DSE: variants seen among roughly 807,000 people sequenced by gnomAD.
DSE encodes the protein dermatan-sulfate epimerase.
Under a neutral mutation model 84.4 loss-of-function variants are expected in DSE, and 36 were observed. The ratio of observed to expected loss-of-function variants is 0.43; its 90% CI spans 0.33 to 0.56. The LOEUF (loss-of-function observed/expected upper bound fraction) is 0.56. DSE is among the 20% of genes least tolerant of loss of function. The pLI is 0.06. For synonymous variants in DSE, 410 were observed against 430.1 expected (o/e 0.95, Z 0.58); for missense variants, 862 against 1,169.6 (o/e 0.74, Z 3.84).
chr6:116,439,798 A>C lies in DSE; in HGVS notation c.*2453A>C, dbSNP rs1252828437. On this transcript the variant is annotated 3_prime_UTR_variant, in exon 6 of 6. Transcript: ENST00000644252. ...AAGAAAATTTGAGAATCACTAGCAT[A>C]CAGAGCTTGTCAGTGCAGTAAAAGT... 6.6e-6 allele frequency: 1 copy of C among 152,194 alleles called. No individual in the cohort carries two copies. The highest frequency in any genetic ancestry group is 2.4e-5 in the African/African-American group (1 of 41,432). 9.4% of individuals were successfully genotyped at this position (152,194 alleles called of 1,614,324 possible). A position where few individuals can be genotyped will look rare whatever the true frequency, so the allele number is the denominator to read the frequency against.
At chr6:116,430,862 G>A in intron 3 of DSE, 92 bp from the exon 4 acceptor site, 2 of 1,526,588 alleles carry the variant, frequency 1.3e-6, no homozygotes, top group Non-Finnish European at 1.8e-6. Flanking sequence ...ATATAAACTA[G>A]TTAGATAACT....
chr6:116,270,292 C>G lies in DSE; in HGVS notation c.-54+11325C>G, dbSNP rs1772823499. Among the ~76,000 whole-genome samples, 4 of 152,214 alleles carry G rather than the reference C, an allele frequency of 2.6e-5. No homozygotes were observed. The Middle Eastern group carries it at 0.014, about 518-fold the overall frequency. On this transcript the variant is annotated intron_variant, in intron 2 of 3. Transcript: ENST00000430252. ...ACCCAAGAGAAGTTTGGCCATTAAG[C>G]AAAATGGTTAACAACAAGAGCATGT...
rs149331466 is a variant in DSE at position 116,417,995 on chromosome 6, G to A, written c.417-8579G>A. 4.5e-3 allele frequency among the ~76,000 whole-genome samples: 681 copies of A among 152,248 alleles called. 22 individuals carry two copies. The highest frequency in any genetic ancestry group is 0.042 in the South Asian group (203 of 4,800). ...ACAGAGGTGAATAGGCATTTTAAAG[G>A]GAGGAGGGCAAGCAGGGGCTTAGTA... On this transcript the variant is annotated intron_variant, in intron 2 of 5. Coordinates refer to ENST00000644252, the MANE Select transcript of DSE (RefSeq NM_013352.4).
chr6:116,376,384 C>A (rs1170815813), intron 1 of DSE, among the ~76,000 whole-genome samples: 1 of 152,200 alleles, frequency 6.6e-6, no homozygotes, highest in Non-Finnish European at 1.5e-5. Flanking sequence ...GATTCCAGAT[C>A]CTCTTTCAGA....
chr6:116,318,496 C>A (rs1329695066), intron 2 of DSE, among the ~76,000 whole-genome samples: 1 of 118,682 alleles, frequency 8.4e-6, no homozygotes, highest in Admixed American at 9.9e-5. Context: ...AGTGAGATTC[C>A]ATCTCAAAAG....
At chr6:116,256,953 G>A (rs1187006965) in intron 1 of DSE, among the ~76,000 whole-genome samples, 1 of 152,068 alleles carries the variant, frequency 6.6e-6, no homozygotes, top group East Asian at 1.9e-4. Flanking sequence ...GATAGAAAAT[G>A]CCATGAAAAT....
chr6:116,295,280 G>A (rs755818028), intron 2 of DSE, among the ~76,000 whole-genome samples: 6 of 152,040 alleles, frequency 3.9e-5, no homozygotes, highest in Admixed American at 6.6e-5. Flanking sequence ...GGGAGAGAGC[G>A]GGAGAGTGGA....
At chr6:116,294,239 T>A (rs1216463403) in intron 2 of DSE, among the ~76,000 whole-genome samples, 1 of 151,858 alleles carries the variant, frequency 6.6e-6, no homozygotes, top group Non-Finnish European at 1.5e-5. Flanking sequence ...CCCAGGCTGG[T>A]CTTGAACTCC....
chr6:116,373,728 C>T (rs1418758209), intron 1 of DSE, among the ~76,000 whole-genome samples: 1 of 152,126 alleles, frequency 6.6e-6, no homozygotes, highest in Non-Finnish European at 1.5e-5. Context: ...CTTCCCAGTG[C>T]CTCGTTATAG....
At position 116,351,861 on chromosome 6, in the gene DSE, G is replaced by A. The variant is rs75501660; in HGVS notation, c.-53-47337G>A. ...AAAGCTCCCTGGTGAACTATGAATAGTGACAAAGGCCTTAAGGAATATTTA... is the reference window on the plus strand; with the variant it reads ...AAAGCTCCCTGGTGAACTATGAATAATGACAAAGGCCTTAAGGAATATTTA... On this transcript the variant is annotated intron_variant, in intron 2 of 3. Coordinates refer to the DSE transcript ENST00000430252. 6.8e-3 allele frequency among the ~76,000 whole-genome samples: 1,040 copies of A among 152,296 alleles called. 4 individuals carry two copies. The highest frequency in any genetic ancestry group is 0.011 in the Non-Finnish European group (777 of 68,022).
intron 1 of DSE, among the ~76,000 whole-genome samples, chr6:116,254,541 GTGT>G (rs957265483): frequency 2.0e-5 from 3 of 152,112 alleles, no homozygotes; most frequent in Non-Finnish European, 2.9e-5. Flanking sequence ...AAGTGTTGCT[GTGT>G]TGTTATTTTT....
intron 1 of DSE, among the ~76,000 whole-genome samples, chr6:116,376,915 CAGAA>C (rs1779961702): frequency 6.6e-6 from 1 of 152,278 alleles, no homozygotes; most frequent in South Asian, 2.1e-4. Flanking sequence ...AAGACAGAGT[CAGAA>C]AGAGTTTGCA....
At chr6:116,259,141 T>C in intron 2 of DSE, 1 of 1,188,594 alleles carries the variant, frequency 8.4e-7, no homozygotes, top group Non-Finnish European at 1.2e-6. Context: ...TGAGTGTCTC[T>C]GTTGCTCGAC....
At chr6:116,423,635 T>G (rs1783240736) in intron 2 of DSE, among the ~76,000 whole-genome samples, 1 of 152,244 alleles carries the variant, frequency 6.6e-6, no homozygotes, top group South Asian at 2.1e-4. Flanking sequence ...CACAGTGAAC[T>G]GATTTATTAC....
Position 116,266,445 on chromosome 6 carries a change from A to G in DSE, c.-54+7478A>G, listed in dbSNP as rs541796627. Among the ~76,000 whole-genome samples, 39 of 152,324 alleles carry G rather than the reference A, an allele frequency of 2.6e-4. No homozygotes were observed. The East Asian group carries it at 3.5e-3, about 14-fold the overall frequency. ...AGAATGAGTACTGGAGGCTTAGGGG[A>G]AAAAATCTCAGAAGCATACTGTTAT... On this transcript the variant is annotated intron_variant, in intron 2 of 3. Transcript: ENST00000430252.
chr6:116,289,823 G>A (rs886715515), intron 2 of DSE, among the ~76,000 whole-genome samples: 7 of 151,938 alleles, frequency 4.6e-5, no homozygotes, highest in Non-Finnish European at 1.0e-4. Context: ...TGAGTTCTTT[G>A]GCTCTGAGAC....
chr6:116,385,657 A>G (rs184820071), intron 1 of DSE, among the ~76,000 whole-genome samples: 2 of 152,258 alleles, frequency 1.3e-5, no homozygotes, highest in Admixed American at 1.3e-4. Context: ...TTACAAACCA[A>G]GTCTGTGGTA....
intron 2 of DSE, among the ~76,000 whole-genome samples, chr6:116,423,891 C>A (rs911558684): frequency 1.3e-5 from 2 of 152,026 alleles, no homozygotes; most frequent in African/African-American, 2.4e-5. Flanking sequence ...TCTTTTGGGG[C>A]GCCAGTGTTA....
chr6:116,266,359 C>T (rs1772630476), intron 2 of DSE, among the ~76,000 whole-genome samples: 1 of 152,138 alleles, frequency 6.6e-6, no homozygotes, highest in South Asian at 2.1e-4. Flanking sequence ...TATTTGTTCC[C>T]TGAAAATATT....
Sources: allele counts gnomAD v4.1 joint callset (sites outside exome capture counted in the v4.1 genomes callset), GRCh38; gene constraint gnomAD v4.1.1; transcripts MANE v1.5; gene names NCBI Gene and HGNC (gene_info 2026-07-23, HGNC 2026-07-21).